The following ZNF420 variants were observed in gnomAD, a reference collection of about 807,000 sequenced individuals.
ZNF420 encodes ATM and p53-associated KZNF protein.
A neutral mutation model predicts 44.7 loss-of-function variants in ZNF420; 31 were observed. The ratio of observed to expected loss-of-function variants is 0.69; its 90% CI spans 0.52 to 0.94. ZNF420 has a LOEUF of 0.94. Among genes scored for constraint, ZNF420 ranks in the 40% least tolerant of loss-of-function variants. The pLI, the probability that ZNF420 is intolerant of heterozygous loss-of-function variation, is 0.00. For missense variants in ZNF420, 681 were observed against 827.9 expected, an observed-to-expected ratio of 0.82 and a Z score of 2.18; for synonymous variants, 245 against 267.4, an observed-to-expected ratio of 0.92 and a Z score of 0.82.
intron 1 of ZNF420, among the ~76,000 whole-genome samples, chr19:37,059,210 G>A (rs992833440): frequency 2.6e-5 from 4 of 152,184 alleles, no homozygotes; most frequent in African/African-American, 9.6e-5. Context: ...GGACGCCCGC[G>A]GCCCCCTCTC....
intron 1 of ZNF420, among the ~76,000 whole-genome samples, chr19:37,068,665 T>A (rs1356714115): frequency 6.6e-6 from 1 of 151,898 alleles, no homozygotes; most frequent in African/African-American, 2.4e-5. Context: ...AATAAATAAA[T>A]AAAAATATGC....
chr19:37,101,869 C>G (rs377457966), intron 4 of ZNF420, among the ~76,000 whole-genome samples: 1 of 152,230 alleles, frequency 6.6e-6, no homozygotes, highest in Admixed American at 6.5e-5. Flanking sequence ...AGGGCTGGAG[C>G]TGAGACTGGG....
rs185646560 is a variant in ZNF420 at position 37,045,017 on chromosome 19, G to T, written c.-124-35328G>T. Among the ~76,000 whole-genome samples, 70 of 152,200 alleles carry T rather than the reference G, an allele frequency of 4.6e-4. 1 individual carries two copies. The East Asian group carries it at 0.01, about 22-fold the overall frequency. On this transcript the variant is annotated intron_variant, in intron 1 of 4. Coordinates refer to the ZNF420 transcript ENST00000587029. The stretch of plus-strand genomic sequence containing the variant: ...TGGTGCCAGTGCATCAGGTAAATAG[G>T]CATCTAAAGCTCTGAGAATAGACTG...
chr19:37,127,370 T>C lies in ZNF420; in HGVS notation c.379T>C (p.Ser127Pro). ...MSIFNQHTYL[S>P]QHSRCHSTEK... ...CATTTTCAACCAGCATACTTACTTATCTCAACATTCAAGATGTCATTCTAC... is the reference window on the plus strand; with the variant it reads ...CATTTTCAACCAGCATACTTACTTACCTCAACATTCAAGATGTCATTCTAC... The change falls in exon 5 of 5, where the codon TCT becomes CCT. Residue 127 changes from serine to proline, a missense_variant. Around this residue, in one of 3 missense-constraint regions of ZNF420, gnomAD observed 350 missense variants for 382.5 expected, o/e 0.92. Transcript: ENST00000337995. 1.9e-6 allele frequency: 3 copies of C among 1,613,130 alleles called. No individual in the cohort carries two copies. The highest frequency in any genetic ancestry group is 1.1e-5 in the South Asian group (1 of 91,032).
chr19:37,062,087 C>A (rs1967888754), intron 1 of ZNF420, among the ~76,000 whole-genome samples: 1 of 152,150 alleles, frequency 6.6e-6, no homozygotes, highest in Admixed American at 6.5e-5. Context: ...CATCTTATAA[C>A]CTCTAAAATA....
At chr19:37,057,160 A>G (rs1228806632) in intron 1 of ZNF420, among the ~76,000 whole-genome samples, 1 of 152,224 alleles carries the variant, frequency 6.6e-6, no homozygotes, top group Admixed American at 6.5e-5. Context: ...GGCGACAGGA[A>G]GGTCTCCGGA....
intron 1 of ZNF420, among the ~76,000 whole-genome samples, chr19:37,053,782 C>T (rs1297735923): frequency 6.6e-6 from 1 of 152,080 alleles, no homozygotes; most frequent in African/African-American, 2.4e-5. Flanking sequence ...TGGGGAGTGC[C>T]TCCCAGTTAG....
At chr19:37,071,777 G>A (rs1409875032) in intron 1 of ZNF420, among the ~76,000 whole-genome samples, 1 of 151,332 alleles carries the variant, frequency 6.6e-6, no homozygotes, top group Non-Finnish European at 1.5e-5. Flanking sequence ...CTCCAGCCTG[G>A]GCAACAGAGT....
intron 4 of ZNF420, among the ~76,000 whole-genome samples, chr19:37,117,238 T>A (rs568105863): frequency 5.9e-5 from 9 of 152,216 alleles, no homozygotes; most frequent in Admixed American, 2.0e-4. Flanking sequence ...CATGGCCGGG[T>A]ACTCCTCTGA....
At chr19:37,087,287 AAAAAAATAAAT>A (rs60633929) in intron 2 of ZNF420, among the ~76,000 whole-genome samples, 1,555 of 119,012 alleles carry the variant, frequency 0.013, 50 homozygotes, top group East Asian at 0.057. Context: ...TGTCTCAAAA[AAAAAAATAAAT>A]AAATAAATAA....
chr19:37,069,727 G>T (rs537460103), intron 1 of ZNF420, among the ~76,000 whole-genome samples: 1 of 151,970 alleles, frequency 6.6e-6, no homozygotes, highest in Non-Finnish European at 1.5e-5. Flanking sequence ...CCATCATAAA[G>T]TTAAAAAAAT....
intron 4 of ZNF420, among the ~76,000 whole-genome samples, chr19:37,126,355 T>TC (rs1465910534): frequency 6.6e-6 from 1 of 152,144 alleles, no homozygotes; most frequent in Non-Finnish European, 1.5e-5. Flanking sequence ...TGTGACTTTT[T>TC]CAGAGTTGAA....
At chr19:37,089,401 G>A (rs957262207) in intron 3 of ZNF420, among the ~76,000 whole-genome samples, 4 of 152,136 alleles carry the variant, frequency 2.6e-5, no homozygotes, top group African/African-American at 9.7e-5. Context: ...GATTTCATAA[G>A]GTAGAGGAGG....
At chr19:37,112,620 T>C (rs941481894) in intron 4 of ZNF420, among the ~76,000 whole-genome samples, 5 of 152,234 alleles carry the variant, frequency 3.3e-5, no homozygotes, top group Non-Finnish European at 7.3e-5. Flanking sequence ...GAGACCTGAC[T>C]TGCCCAATAT....
intron 4 of ZNF420, among the ~76,000 whole-genome samples, chr19:37,108,647 T>C (rs879419006): frequency 9.2e-5 from 14 of 152,236 alleles, no homozygotes; most frequent in Admixed American, 2.6e-4. Context: ...TTCTGGATGT[T>C]CAGGACCAGA....
chr19:37,122,121 C>T (rs1364686870), intron 4 of ZNF420, among the ~76,000 whole-genome samples: 1 of 152,086 alleles, frequency 6.6e-6, no homozygotes, highest in African/African-American at 2.4e-5. Context: ...GGGTATATAC[C>T]CAAAGGACTA....
chr19:37,086,336 T>A (rs1451777883), intron 2 of ZNF420, among the ~76,000 whole-genome samples: 1 of 152,140 alleles, frequency 6.6e-6, no homozygotes, highest in Non-Finnish European at 1.5e-5. Context: ...CTCAGCGCTT[T>A]CTCTGGGTTA....
intron 1 of ZNF420, among the ~76,000 whole-genome samples, chr19:37,079,790 C>A (rs1263187798): frequency 1.3e-5 from 2 of 151,984 alleles, no homozygotes; most frequent in African/African-American, 4.8e-5. Flanking sequence ...GAGGCAGAGG[C>A]GGGTGGATTA....
intron 4 of ZNF420, among the ~76,000 whole-genome samples, chr19:37,113,877 T>C (rs547075857): frequency 2.6e-5 from 4 of 152,144 alleles, no homozygotes; most frequent in Non-Finnish European, 5.9e-5. Context: ...AAGTCTTAAA[T>C]TGTAAACATT....
Sources: gnomAD v4.1 joint callset for allele counts (sites outside exome capture counted in the v4.1 genomes callset) on GRCh38, gnomAD v4.1.1 for gene constraint, gnomAD v4.1.1 regional missense constraint, MANE v1.5 for transcripts, NCBI Gene and HGNC (gene_info 2026-07-23, HGNC 2026-07-21) for gene names.